Variants in SETD1A observed in about 807,000 individuals in gnomAD.
The protein encoded by SETD1A is SET domain containing 1A, histone lysine methyltransferase.
SETD1A carries 29 observed loss-of-function variants against 149.9 expected under a neutral mutation model. The ratio of observed to expected loss-of-function variants is 0.19; its 90% CI spans 0.14 to 0.26. The LOEUF is 0.26. Among genes scored for constraint, SETD1A ranks in the 10% least tolerant of loss-of-function variants. The pLI, the probability that SETD1A is intolerant of heterozygous loss-of-function variation, is 1.00. For synonymous variants in SETD1A, 1,141 were observed against 968.5 expected (o/e 1.18, Z -3.31); for missense variants, 2,109 against 2,353.1 (o/e 0.90, Z 2.15).
At chr16:30,964,346 G>GGCCCC (rs1330936564) in intron 6 of SETD1A, 23 bp downstream of exon 6, 25 of 1,580,174 alleles carry the variant, frequency 1.6e-5, no homozygotes, top group Non-Finnish European at 2.2e-5. Flanking sequence ...CCCCGCCTGG[G>GGCCCC]GCCCCGCCCG....
Position 30,979,773 on chromosome 16 carries a change from T to C in SETD1A, c.3987T>C (p.Ser1329=). The C allele has an allele frequency of 3.8e-6, 6 of 1,592,292 alleles. No individual in the cohort carries two copies. Among genetic ancestry groups the C allele is most frequent in the Non-Finnish European group, 5.1e-6 (6 of 1,176,126 alleles). Residue 1329 remains serine (S), a synonymous_variant, in exon 14 of 19, where the codon AGT becomes AGC. Coordinates refer to ENST00000262519, the MANE Select transcript of SETD1A (RefSeq NM_014712.3). ...EPVPAPAALF[S]SPADEVLEAP... ...TGCCCGCACCCGCCGCCCTCTTCAG[T>C]TCCCCAGCTGATGAGGTCCTGGAGG...
At chr16:30,982,520 GA>G (rs2056392570) in intron 17 of SETD1A, among the ~76,000 whole-genome samples, 1 of 151,468 alleles carries the variant, frequency 6.6e-6, no homozygotes, top group Non-Finnish European at 1.5e-5. Context: ...AAAAAGAAAA[GA>G]AAAAACAGGG....
At chr16:30,971,290 G>C (rs987484663) in intron 12 of SETD1A, 88 bp from the exon 13 acceptor site, 3 of 1,365,030 alleles carry the variant, frequency 2.2e-6, no homozygotes, top group Non-Finnish European at 3.0e-6. Context: ...CCAGAGCCCA[G>C]CATCCACAGC....
intron 10 of SETD1A, among the ~76,000 whole-genome samples, chr16:30,968,419 CAT>C (rs57608562): frequency 0.91 from 132,099 of 145,310 alleles, 60,106 homozygotes; most frequent in East Asian, 1. Context: ...AAAAAAAATA[CAT>C]ATATATATAT....
At chr16:30,960,679 G>A (rs900837299) in intron 3 of SETD1A, among the ~76,000 whole-genome samples, 5 of 148,654 alleles carry the variant, frequency 3.4e-5, no homozygotes, top group East Asian at 2.0e-4. Flanking sequence ...CCTGTAGCTC[G>A]TTCTCTCCAC....
At chr16:30,973,145 G>C (rs2056245266) in intron 13 of SETD1A, among the ~76,000 whole-genome samples, 1 of 152,176 alleles carries the variant, frequency 6.6e-6, no homozygotes, top group South Asian at 2.1e-4. Flanking sequence ...AAGTGAGTGA[G>C]AGTTGGGCCC....
intron 12 of SETD1A, among the ~76,000 whole-genome samples, chr16:30,971,159 G>T (rs187832598): frequency 2.0e-5 from 3 of 152,150 alleles, no homozygotes; most frequent in African/African-American, 7.2e-5. Flanking sequence ...TCCTTTTCGG[G>T]CCTCTTCAGA....
Position 30,983,631 on chromosome 16 carries a change from G to T in SETD1A, c.4813-4G>T. ...TCCCTGACCATCGCATCTCACCCTG[G>T]CAGATGGTGGCCGACATGCGGGAGA... On this transcript the variant is annotated splice_region_variant and splice_polypyrimidine_tract_variant and intron_variant, in intron 17 of 18. Transcript: ENST00000262519. The surrounding 1 kb of genome is among the most constrained non-coding windows in gnomAD (Gnocchi z 6.8). The T allele has an allele frequency of 6.2e-7, 1 of 1,611,542 alleles. No individual in the cohort carries two copies. The highest frequency in any genetic ancestry group is 1.1e-5 in the South Asian group (1 of 90,436).
At chr16:30,959,303 C>G in intron 3 of SETD1A, 117 bp downstream of exon 3, 1 of 750,532 alleles carries the variant, frequency 1.3e-6, no homozygotes, top group East Asian at 2.5e-5. Context: ...GATCTAGCAA[C>G]CTCTGAGGCT....
rs1402734560 is a variant in SETD1A at position 30,961,336 on chromosome 16, C to A, written c.316C>A (p.Arg106=). 1 of 1,614,084 alleles carries A rather than the reference C, an allele frequency of 6.2e-7. No homozygotes were observed. Among genetic ancestry groups the A allele is most frequent in the African/African-American group, 1.3e-5 (1 of 75,026 alleles). ...TTTTGCAAGGCTGAATGACAACGTGCGGGAGACCTTCCTGAAGGATATGTG... is the reference window on the plus strand; with the variant it reads ...TTTTGCAAGGCTGAATGACAACGTGAGGGAGACCTTCCTGAAGGATATGTG... ...VTFARLNDNV[R]ETFLKDMCRK... is the part of the protein sequence containing the mutation. Residue 106 remains arginine, a synonymous_variant, in exon 4 of 19, where the codon CGG becomes AGG. Transcript: ENST00000262519. This position sits in a 1 kb window ranked among gnomAD's most constrained non-coding sequence, Gnocchi z 4.0.
Position 30,979,995 on chromosome 16 carries a change from TCC to T in SETD1A, c.4210_4211del (p.Pro1404AlafsTer16). ...LRSHARRRRP[P>X]PPPPPPPPRA... ...GCTCCCACGCCCGGCGCCGCCGCCC[TCC>T]GCCCCCACCCCCGCCGCCACCGCCC... is the stretch of plus-strand genomic sequence containing the variant. On this transcript the variant is annotated frameshift_variant, in exon 14 of 19. Coordinates refer to ENST00000262519, the MANE Select transcript of SETD1A (RefSeq NM_014712.3). LOFTEE classifies it high-confidence loss of function. 1 of 477,094 alleles carries T rather than the reference TCC, an allele frequency of 2.1e-6. No individual in the cohort carries two copies. The highest frequency in any genetic ancestry group is 3.2e-6 in the Non-Finnish European group (1 of 313,578). 29.6% of individuals were successfully genotyped at this position (477,094 alleles called of 1,614,324 possible). A position where few individuals can be genotyped will look rare whatever the true frequency, so the allele number is the denominator to read the frequency against.
chr16:30,973,330 G>A (rs2056247733), intron 13 of SETD1A, among the ~76,000 whole-genome samples: 1 of 152,140 alleles, frequency 6.6e-6, no homozygotes, highest in South Asian at 2.1e-4. Flanking sequence ...AGAATGTAAG[G>A]CGAATTATGG....
chr16:30,966,949 G>T lies in SETD1A; in HGVS notation c.2571G>T (p.Glu857Asp). The T allele has an allele frequency of 6.3e-7, 1 of 1,582,180 alleles. No homozygotes were observed. Among genetic ancestry groups the T allele is most frequent in the South Asian group, 1.2e-5 (1 of 86,620 alleles). ...ATAAAGAGAAGACGAAGCTGAAGGAGCCTGGCCTGCTGTCCCTCGTGGACT... is the reference window on the plus strand; with the variant it reads ...ATAAAGAGAAGACGAAGCTGAAGGATCCTGGCCTGCTGTCCCTCGTGGACT... ...EEDKEKTKLK[E>D]PGLLSLVDWA... Residue 857 changes from glutamate (E) to aspartate (D), a missense_variant, in exon 9 of 19, where the codon GAG becomes GAT. By Grantham distance (45) the Glu-to-Asp change is conservative. This residue lies in a region of SETD1A where 832 missense variants were observed against 815.6 expected (regional missense o/e 1.02). Coordinates refer to ENST00000262519, the MANE Select transcript of SETD1A (RefSeq NM_014712.3).
intron 13 of SETD1A, among the ~76,000 whole-genome samples, chr16:30,974,793 C>A (rs1207534785): frequency 6.6e-6 from 1 of 151,648 alleles, no homozygotes; most frequent in Non-Finnish European, 1.5e-5. Flanking sequence ...GATCACTTGA[C>A]GTCAGGAGTT....
intron 13 of SETD1A, among the ~76,000 whole-genome samples, chr16:30,977,982 G>T (rs531402540): frequency 6.6e-6 from 1 of 152,128 alleles, no homozygotes; most frequent in African/African-American, 2.4e-5. Context: ...CTGTCTGTAA[G>T]ATAGGACCCT....
rs1264938948 is a variant in SETD1A at position 30,961,582 on chromosome 16, G to A, written c.517+45G>A. The A allele has an allele frequency of 6.3e-7, 1 of 1,593,416 alleles. No homozygotes were observed. Among genetic ancestry groups the A allele is most frequent in the Non-Finnish European group, 8.5e-7 (1 of 1,169,950 alleles). On this transcript the variant is annotated intron_variant, in intron 4 of 18. Coordinates refer to ENST00000262519, the MANE Select transcript of SETD1A (RefSeq NM_014712.3). The surrounding 1 kb of genome is among the most constrained non-coding windows in gnomAD (Gnocchi z 4.0). Reference sequence around the variant, plus strand: ...CCACTCAGGCTTGGCCTCCAGCGGAGGTTGTACATGCAAATGCCTGTCAGG... The same window carrying A: ...CCACTCAGGCTTGGCCTCCAGCGGAAGTTGTACATGCAAATGCCTGTCAGG...
chr16:30,981,320 G>C (rs2143592617), intron 17 of SETD1A, 140 bp downstream of exon 17: 2 of 1,082,264 alleles, frequency 1.8e-6, no homozygotes, highest in East Asian at 2.5e-5. Flanking sequence ...GCCTCCCTCC[G>C]GTGTGGTCAG....
Position 30,961,874 on chromosome 16 carries a change from G to C in SETD1A, c.517+337G>C, listed in dbSNP as rs1040081892. 1.3e-5 allele frequency among the ~76,000 whole-genome samples: 2 copies of C among 150,702 alleles called. No homozygotes were observed. The highest frequency in any genetic ancestry group is 4.8e-5 in the African/African-American group (2 of 41,324). On this transcript the variant is annotated intron_variant, in intron 4 of 18. Transcript: ENST00000262519. The surrounding 1 kb of genome is among the most constrained non-coding windows in gnomAD (Gnocchi z 4.0). Reference sequence around the variant, plus strand: ...GTTGCTTGGTTGGTTTTTGAGACAGGATCCTGCTCTGTCACCTAGGCTGGA... The same window carrying C: ...GTTGCTTGGTTGGTTTTTGAGACAGCATCCTGCTCTGTCACCTAGGCTGGA...
Position 30,983,519 on chromosome 16 carries a change from A to T in SETD1A, c.4813-116A>T. On this transcript the variant is annotated intron_variant, in intron 17 of 18. Coordinates refer to ENST00000262519, the MANE Select transcript of SETD1A (RefSeq NM_014712.3). The surrounding 1 kb of genome is among the most constrained non-coding windows in gnomAD (Gnocchi z 6.8). ...TCAGTGCCGGGTTAGCGGGAGCTGGAGGCAGAGCTGCAGCTCCAGGCCTGG... is the reference window on the plus strand; with the variant it reads ...TCAGTGCCGGGTTAGCGGGAGCTGGTGGCAGAGCTGCAGCTCCAGGCCTGG... 1 of 1,230,772 alleles carries T rather than the reference A, an allele frequency of 8.1e-7. No homozygotes were observed. The highest frequency in any genetic ancestry group is 1.1e-6 in the Non-Finnish European group (1 of 874,162). 76.2% of individuals were successfully genotyped at this position (1,230,772 alleles called of 1,614,324 possible).
Sources: allele counts gnomAD v4.1 joint callset (sites outside exome capture counted in the v4.1 genomes callset), GRCh38; gene constraint gnomAD v4.1.1; regional missense constraint gnomAD v4.1.1; non-coding constraint Gnocchi (gnomAD v3.1); transcripts MANE v1.5; gene names NCBI Gene and HGNC (gene_info 2026-07-23, HGNC 2026-07-21).